TRAPPC9: variants seen among roughly 807,000 people sequenced by gnomAD.
The protein encoded by TRAPPC9 is trafficking protein particle complex subunit 9.
In TRAPPC9, 83 loss-of-function variants were observed where a neutral mutation model predicts 124.0. The ratio of observed to expected loss-of-function variants is 0.67; its 90% CI spans 0.56 to 0.80. TRAPPC9 has a LOEUF of 0.80. TRAPPC9 is among the 30% of genes least tolerant of loss of function. The pLI is 0.00. For synonymous variants in TRAPPC9, 638 were observed against 617.5 expected (o/e 1.03, Z -0.49); for missense variants, 1,302 against 1,508.3 (o/e 0.86, Z 2.27).
At chr8:139,914,595 T>A (rs1439653291) in intron 19 of TRAPPC9, among the ~76,000 whole-genome samples, 1 of 152,118 alleles carries the variant, frequency 6.6e-6, no homozygotes, top group Non-Finnish European at 1.5e-5. Flanking sequence ...TGGAATGCAG[T>A]CAGTGCCACC....
chr8:140,252,660 T>C lies in TRAPPC9; in HGVS notation c.2431+117A>G. 3.2e-6 allele frequency: 4 copies of C among 1,240,218 alleles called. No individual in the cohort carries two copies. The highest frequency in any genetic ancestry group is 2.2e-4 in the Middle Eastern group (1 of 4,634). 76.8% of individuals were successfully genotyped at this position (1,240,218 alleles called of 1,614,324 possible). On this transcript the variant is annotated intron_variant, in intron 16 of 22. Coordinates refer to ENST00000438773, the MANE Select transcript of TRAPPC9 (RefSeq NM_001160372.4). This position sits in a 1 kb window ranked among gnomAD's most constrained non-coding sequence, Gnocchi z 4.2. The stretch of plus-strand genomic sequence containing the variant: ...GTGCCCAGGAGATGTCTCAGGCAGC[T>C]TGAGTTAATGAATGACAAGTGAGTT...
intron 18 of TRAPPC9, among the ~76,000 whole-genome samples, chr8:139,996,809 G>A (rs202197137): frequency 9.9e-5 from 15 of 152,002 alleles, no homozygotes; most frequent in Admixed American, 5.2e-4. Flanking sequence ...GCGTGATCTC[G>A]GCTCATTGCA....
In TRAPPC9 at chr8:140,456,363, G is replaced by T. The variant is rs185275843; in HGVS notation, c.-11+1276C>A. ...GGAGGCGGAGGGTGCAGTGAGCCAA[G>T]ATCGTGCCATTGCACTCCAGCCCAG... On this transcript the variant is annotated intron_variant, in intron 1 of 22. Coordinates refer to ENST00000438773, the MANE Select transcript of TRAPPC9 (RefSeq NM_001160372.4). 8.4e-3 allele frequency among the ~76,000 whole-genome samples: 1,256 copies of T among 149,584 alleles called. 23 individuals carry two copies. The highest frequency in any genetic ancestry group is 0.029 in the African/African-American group (1,181 of 40,506).
intron 8 of TRAPPC9, among the ~76,000 whole-genome samples, chr8:140,369,726 C>A (rs989154448): frequency 6.6e-6 from 1 of 152,088 alleles, no homozygotes; most frequent in Admixed American, 6.5e-5. Context: ...CCAAAGTGGG[C>A]GGATCACCTG....
chr8:140,014,669 C>T (rs1839350975), intron 18 of TRAPPC9, among the ~76,000 whole-genome samples: 1 of 152,142 alleles, frequency 6.6e-6, no homozygotes, highest in Admixed American at 6.5e-5. Context: ...GAATAGACAC[C>T]AGAGTCCAGG....
chr8:140,284,084 G>A lies in TRAPPC9; in HGVS notation c.1982-63C>T. ...GGCTTTGGGTCTCACGCCCACGGCT[G>A]AAGCAGTGCGAAGAGTACGGGGCTC... On this transcript the variant is annotated intron_variant, in intron 13 of 22. Coordinates refer to ENST00000438773, the MANE Select transcript of TRAPPC9 (RefSeq NM_001160372.4). 1.9e-6 allele frequency: 3 copies of A among 1,604,852 alleles called. No individual in the cohort carries two copies. The South Asian group carries it at 3.3e-5, about 18-fold the overall frequency.
chr8:139,848,458 C>T (rs1827241612), intron 21 of TRAPPC9, among the ~76,000 whole-genome samples: 1 of 152,024 alleles, frequency 6.6e-6, no homozygotes. Context: ...GAGAGGAAAA[C>T]TTCCAGTGTT....
intron 21 of TRAPPC9, among the ~76,000 whole-genome samples, chr8:139,795,416 C>T (rs1292340399): frequency 1.3e-5 from 2 of 152,084 alleles, no homozygotes; most frequent in Non-Finnish European, 1.5e-5. Flanking sequence ...TGAGATGAGT[C>T]GGACCAGATG....
chr8:140,063,427 G>GAGCT lies in TRAPPC9; in HGVS notation c.2557-39352_2557-39349dup, dbSNP rs1194018960. Among the ~76,000 whole-genome samples, 3 of 152,094 alleles carry GAGCT rather than the reference G, an allele frequency of 2.0e-5. No homozygotes were observed. The highest frequency in any genetic ancestry group is 7.2e-5 in the African/African-American group (3 of 41,418). On this transcript the variant is annotated intron_variant, in intron 17 of 22. Transcript: ENST00000438773. This position sits in a 1 kb window ranked among gnomAD's most constrained non-coding sequence, Gnocchi z 4.3. ...TAATCCTACGGCCATCTTGTTCTTA[G>GAGCT]AGCTCCTAGTTGATTTAGTGTATGT...
rs1210285166 is a variant in TRAPPC9, at chr8:140,457,631, G to C, written c.-11+8C>G. The stretch of plus-strand genomic sequence containing the variant: ...GCCTGACCGGGAGCCCCCCCGCTTT[G>C]CACTTACACAGCCGGTGGCCCCGGG... On this transcript the variant is annotated splice_region_variant and intron_variant, in intron 1 of 22. Transcript: ENST00000438773. 1.0e-6 allele frequency: 1 copy of C among 986,070 alleles called. No homozygotes were observed. Among genetic ancestry groups the C allele is most frequent in the South Asian group, 4.7e-5 (1 of 21,416 alleles). The allele number at this position is 986,070 out of a possible 1,614,324, so 61.1% of individuals were successfully genotyped here. A position where few individuals can be genotyped will look rare whatever the true frequency, so the allele number is the denominator to read the frequency against.
At chr8:140,245,099 T>C (rs947689475) in intron 16 of TRAPPC9, among the ~76,000 whole-genome samples, 3 of 152,146 alleles carry the variant, frequency 2.0e-5, no homozygotes, top group African/African-American at 7.2e-5. Context: ...CCACCGCGCC[T>C]GGCCTCTTCT....
At chr8:139,921,620 T>C (rs1357337767) in intron 19 of TRAPPC9, among the ~76,000 whole-genome samples, 1 of 150,780 alleles carries the variant, frequency 6.6e-6, no homozygotes, top group African/African-American at 2.4e-5. Context: ...TAGAGGGCTG[T>C]GGGTAGAGAA....
chr8:140,129,554 T>C (rs757506865), intron 17 of TRAPPC9, among the ~76,000 whole-genome samples: 4 of 151,962 alleles, frequency 2.6e-5, no homozygotes, highest in Non-Finnish European at 5.9e-5. Context: ...CCGAGCTGCG[T>C]GGGCAGGATG....
At chr8:140,080,625 C>T (rs10046681) in intron 17 of TRAPPC9, among the ~76,000 whole-genome samples, 51,784 of 152,066 alleles carry the variant, frequency 0.34, 10,793 homozygotes, top group Middle Eastern at 0.53. Context: ...GAGACAGCAC[C>T]AATCTATTCC....
chr8:139,884,197 GT>G (rs1287087925), intron 21 of TRAPPC9, among the ~76,000 whole-genome samples: 1 of 152,048 alleles, frequency 6.6e-6, no homozygotes, highest in Non-Finnish European at 1.5e-5. Flanking sequence ...ACCTAGAACA[GT>G]GTCAAGGGCA....
At chr8:140,309,308 G>A (rs2066226668) in intron 10 of TRAPPC9, among the ~76,000 whole-genome samples, 1 of 152,208 alleles carries the variant, frequency 6.6e-6, no homozygotes, top group South Asian at 2.1e-4. Context: ...CTCTGTGTGG[G>A]GCAATTTTTA....
chr8:140,050,787 AC>A (rs1841943639), intron 17 of TRAPPC9, among the ~76,000 whole-genome samples: 1 of 152,098 alleles, frequency 6.6e-6, no homozygotes, highest in Admixed American at 6.5e-5. Context: ...GATGGGAACA[AC>A]CCACCGACAA....
At chr8:140,304,760 T>C (rs190329304) in intron 10 of TRAPPC9, among the ~76,000 whole-genome samples, 2 of 152,274 alleles carry the variant, frequency 1.3e-5, no homozygotes, top group East Asian at 1.9e-4. Flanking sequence ...GTTGCCCAAC[T>C]CCTGCCAAAA....
At chr8:139,923,217 G>A (rs935765055) in intron 19 of TRAPPC9, among the ~76,000 whole-genome samples, 5 of 152,210 alleles carry the variant, frequency 3.3e-5, no homozygotes, top group Admixed American at 6.5e-5. Context: ...AAGTGGAGCT[G>A]AACCTATACA....
Sources: allele counts gnomAD v4.1 joint callset (sites outside exome capture counted in the v4.1 genomes callset), GRCh38; gene constraint gnomAD v4.1.1; non-coding constraint Gnocchi (gnomAD v3.1); transcripts MANE v1.5; gene names NCBI Gene and HGNC (gene_info 2026-07-23, HGNC 2026-07-21).